The following SLC4A8 variants were observed in gnomAD, a reference collection of about 807,000 sequenced individuals.
SLC4A8 encodes electroneutral sodium bicarbonate exchanger 1.
SLC4A8 carries 40 observed loss-of-function variants against 125.0 expected under a neutral mutation model. The ratio of observed to expected loss-of-function variants is 0.32; its 90% confidence interval spans 0.25 to 0.42. The LOEUF (loss-of-function observed/expected upper bound fraction) is 0.42. Ranked by LOEUF, SLC4A8 falls within the 10% of genes least tolerant of loss-of-function variation. The pLI is 1.00. For synonymous variants in SLC4A8, 456 were observed against 476.0 expected (o/e 0.96, Z 0.55); for missense variants, 863 against 1,355.1 (o/e 0.64, Z 5.70).
At chr12:51,459,479 C>G (rs1038261383) in intron 7 of SLC4A8, among the ~76,000 whole-genome samples, 1 of 151,704 alleles carries the variant, frequency 6.6e-6, no homozygotes, top group African/African-American at 2.4e-5. Context: ...GGGACGAATA[C>G]AATCTGTCAT....
chr12:51,459,960 C>A lies in SLC4A8; in HGVS notation c.865C>A (p.His289Asn), dbSNP rs1337122194. 1 of 1,613,352 alleles carries A rather than the reference C, an allele frequency of 6.2e-7. No individual in the cohort carries two copies. The highest frequency in any genetic ancestry group is 8.5e-7 in the Non-Finnish European group (1 of 1,179,590). The stretch of plus-strand genomic sequence containing the variant: ...TCTTTTGGACTTTCAGGTAGACCTT[C>A]ATTTCATGAAAAAAATTCCTACTGG... The part of the protein sequence containing the change: ...SPVDLSKVDL[H>N]FMKKIPTGAE... Residue 289 changes from histidine to asparagine, a missense_variant, in exon 8 of 25, where the codon CAT becomes AAT. His to Asn is a moderately conservative substitution (Grantham distance 68). Around this residue, in one of 6 missense-constraint regions of SLC4A8, gnomAD observed 390 missense variants for 634.4 expected, o/e 0.61. Transcript: ENST00000453097.
chr12:51,474,760 G>C (rs140032978), intron 15 of SLC4A8, among the ~76,000 whole-genome samples: 1 of 152,158 alleles, frequency 6.6e-6, no homozygotes, highest in African/African-American at 2.4e-5. Context: ...TTCAAGTTTG[G>C]AGGTCCTCTG....
At chr12:51,402,396 T>C (rs1404719777) in intron 1 of SLC4A8, among the ~76,000 whole-genome samples, 3 of 152,186 alleles carry the variant, frequency 2.0e-5, no homozygotes, top group Non-Finnish European at 4.4e-5. Flanking sequence ...TGGCATTTGC[T>C]ACCCCGATAA....
At chr12:51,475,920 A>G (rs1362838942) in intron 16 of SLC4A8, among the ~76,000 whole-genome samples, 1 of 152,240 alleles carries the variant, frequency 6.6e-6, no homozygotes, top group Non-Finnish European at 1.5e-5. Context: ...TACATCCTTC[A>G]GTCACATGGA....
intron 1 of SLC4A8, among the ~76,000 whole-genome samples, chr12:51,416,887 G>A (rs1033779169): frequency 3.3e-5 from 5 of 152,168 alleles, no homozygotes; most frequent in African/African-American, 1.2e-4. Flanking sequence ...CACATTGGGA[G>A]GCCAAGGTGG....
chr12:51,452,907 C>G (rs1950011942), intron 4 of SLC4A8, among the ~76,000 whole-genome samples: 1 of 152,122 alleles, frequency 6.6e-6, no homozygotes, highest in Non-Finnish European at 1.5e-5. Context: ...GGGGAAGGAG[C>G]GAGATGGGTA....
At chr12:51,470,879 G>GT (rs11429757) in intron 13 of SLC4A8, among the ~76,000 whole-genome samples, 59,956 of 150,636 alleles carry the variant, frequency 0.4, 12,375 homozygotes, top group Non-Finnish European at 0.45. Context: ...GTTTTGTTTT[G>GT]TTTTTTTGCT....
intron 4 of SLC4A8, 89 bp from the exon 5 acceptor site, chr12:51,453,450 T>C: frequency 7.6e-7 from 1 of 1,314,614 alleles, no homozygotes; most frequent in Non-Finnish European, 1.1e-6. Context: ...ACTATCCAGA[T>C]ATCTTCCTCT....
chr12:51,492,368 C>G (rs1045092765), intron 19 of SLC4A8, among the ~76,000 whole-genome samples: 2 of 152,028 alleles, frequency 1.3e-5, no homozygotes, highest in African/African-American at 2.4e-5. Flanking sequence ...CTTCCTGTCC[C>G]CTCACTTTCC....
intron 8 of SLC4A8, among the ~76,000 whole-genome samples, chr12:51,460,322 C>T (rs1483036481): frequency 6.6e-6 from 1 of 152,000 alleles, no homozygotes; most frequent in Non-Finnish European, 1.5e-5. Flanking sequence ...GGAGTTTGAG[C>T]CTGCAGTGAG....
At chr12:51,431,184 G>A (rs2138065720) in intron 1 of SLC4A8, among the ~76,000 whole-genome samples, 1 of 152,158 alleles carries the variant, frequency 6.6e-6, no homozygotes, top group South Asian at 2.1e-4. Flanking sequence ...ATTTTTCTCT[G>A]ACTCTAGTCT....
At chr12:51,402,263 G>T (rs953790202) in intron 1 of SLC4A8, among the ~76,000 whole-genome samples, 4 of 152,144 alleles carry the variant, frequency 2.6e-5, no homozygotes, top group African/African-American at 9.7e-5. Flanking sequence ...TTGTTGAAGG[G>T]AAACCATTCC....
intron 1 of SLC4A8, among the ~76,000 whole-genome samples, chr12:51,412,846 A>G (rs1018442387): frequency 6.6e-6 from 1 of 152,178 alleles, no homozygotes; most frequent in African/African-American, 2.4e-5. Context: ...ACTTAGTTTG[A>G]TTCCATATCT....
intron 1 of SLC4A8, among the ~76,000 whole-genome samples, chr12:51,413,817 A>G (rs1364341905): frequency 6.6e-6 from 1 of 152,144 alleles, no homozygotes; most frequent in Non-Finnish European, 1.5e-5. Flanking sequence ...GGTTTTGCTT[A>G]TTCTAGCTCT....
intron 1 of SLC4A8, among the ~76,000 whole-genome samples, chr12:51,408,954 A>G (rs1948544807): frequency 6.6e-6 from 1 of 152,184 alleles, no homozygotes; most frequent in East Asian, 1.9e-4. Flanking sequence ...CCATTAATTA[A>G]AAAAACCCTG....
chr12:51,427,411 T>C (rs1159047303), intron 1 of SLC4A8, among the ~76,000 whole-genome samples: 1 of 152,196 alleles, frequency 6.6e-6, no homozygotes, highest in East Asian at 1.9e-4. Flanking sequence ...TGAGTACTTC[T>C]GGAGTAGGAT....
intron 1 of SLC4A8, among the ~76,000 whole-genome samples, chr12:51,431,776 T>C (rs1949192351): frequency 6.6e-6 from 1 of 152,060 alleles, no homozygotes; most frequent in Non-Finnish European, 1.5e-5. Flanking sequence ...TGAAGAACTA[T>C]TGGAGGTCTG....
intron 1 of SLC4A8, among the ~76,000 whole-genome samples, chr12:51,439,763 T>TA (rs1949536517): frequency 6.6e-6 from 1 of 152,176 alleles, no homozygotes; most frequent in South Asian, 2.1e-4. Flanking sequence ...AGGCATATGG[T>TA]AGGCACTCAT....
intron 1 of SLC4A8, among the ~76,000 whole-genome samples, chr12:51,404,728 C>A (rs779114302): frequency 6.6e-6 from 1 of 152,198 alleles, no homozygotes; most frequent in Non-Finnish European, 1.5e-5. Context: ...CCAGTGATAT[C>A]TTTTGGACTC....
Sources: allele counts gnomAD v4.1 joint callset (sites outside exome capture counted in the v4.1 genomes callset), GRCh38; gene constraint gnomAD v4.1.1; regional missense constraint gnomAD v4.1.1; transcripts MANE v1.5; gene names NCBI Gene and HGNC (gene_info 2026-07-23, HGNC 2026-07-21).